KPNA7: variants seen among roughly 807,000 people sequenced by gnomAD.
KPNA7 encodes karyopherin subunit alpha 7, also known as importin subunit alpha-8.
Under a neutral mutation model 53.7 loss-of-function variants are expected in KPNA7, and 54 were observed. The observed-to-expected ratio is 1.01, with a 90% CI of 0.81 to 1.26. KPNA7 has a LOEUF of 1.26. Among genes scored for constraint, KPNA7 ranks in the 50% most tolerant of loss-of-function variants. The pLI is 0.00. For missense variants in KPNA7, 640 were observed against 644.5 expected (o/e 0.99, Z 0.07); for synonymous variants, 276 against 259.3 (o/e 1.06, Z -0.62).
At chr7:99,190,911 C>T (rs1162995992) in intron 6 of KPNA7, among the ~76,000 whole-genome samples, 1 of 152,020 alleles carries the variant, frequency 6.6e-6, no homozygotes, top group Non-Finnish European at 1.5e-5. Flanking sequence ...ACACATATGT[C>T]ACCTAGCAAG....
At chr7:99,202,987 T>C (rs1790625094) in intron 3 of KPNA7, 119 bp downstream of exon 3, 2 of 1,267,894 alleles carry the variant, frequency 1.6e-6, no homozygotes, top group East Asian at 2.6e-5. Flanking sequence ...TCTTCACTCC[T>C]TTCTTTAAAA....
In KPNA7 at chr7:99,186,082, T is replaced by C. The variant is rs117031181; in HGVS notation, c.901-920A>G. Among the ~76,000 whole-genome samples the C allele has an allele frequency of 4.0e-3, 607 of 152,324 alleles. 3 individuals carry two copies. Among genetic ancestry groups the C allele is most frequent in the Admixed American group, 6.9e-3 (106 of 15,286 alleles). On this transcript the variant is annotated intron_variant, in intron 7 of 10. Coordinates refer to ENST00000327442, the MANE Select transcript of KPNA7 (RefSeq NM_001145715.3). ...TGCTGGGATTATAGGCATGAGCTAC[T>C]GCGCCCAGTGACTATACTCTTTATC...
At chr7:99,158,412 T>C in the KPNA7 span, among the ~76,000 whole-genome samples, 4 of 152,160 alleles carry the variant, frequency 2.6e-5, no homozygotes, top group Non-Finnish European at 1.5e-5. Flanking sequence ...CTTTATATAA[T>C]TTGATCTTTT....
At chr7:99,166,295 C>A in the KPNA7 span, among the ~76,000 whole-genome samples, 1 of 152,146 alleles carries the variant, frequency 6.6e-6, no homozygotes, top group African/African-American at 2.4e-5. Flanking sequence ...CACTGCCTAG[C>A]ACCTACTATG....
intron 3 of KPNA7, among the ~76,000 whole-genome samples, chr7:99,197,207 C>T (rs968368181): frequency 1.3e-5 from 2 of 152,122 alleles, no homozygotes; most frequent in East Asian, 1.9e-4. Context: ...TTCTTTTCTT[C>T]GTGGTTCGAA....
intron 8 of KPNA7, among the ~76,000 whole-genome samples, chr7:99,183,020 C>A (rs1024766857): frequency 2.0e-5 from 3 of 152,108 alleles, no homozygotes; most frequent in African/African-American, 7.2e-5. Context: ...CTTTGGGAGG[C>A]TGAGGCAGGC....
rs1563094126 is a variant in KPNA7 at position 99,214,665 on chromosome 7, GAGGT to G, written c.-23-7180_-23-7177del. 7.4e-4 allele frequency among the ~76,000 whole-genome samples: 21 copies of G among 28,506 alleles called. 10 individuals are homozygous for G. The South Asian group carries it at 0.014, about 19-fold the overall frequency. The allele number at this position is 28,506 out of a possible 152,430, so 18.7% of individuals were successfully genotyped here. A position where few individuals can be genotyped will look rare whatever the true frequency, so the allele number is the denominator to read the frequency against. ...GGAGGGGAGGTAGGGAAGGGGAGGGGAGGTAGGGGAGGGGAGGGGAGGTAGGGGA... is the reference window on the plus strand; with the variant it reads ...GGAGGGGAGGTAGGGAAGGGGAGGGGAGGGGAGGGGAGGGGAGGTAGGGGA... On this transcript the variant is annotated intron_variant, in intron 1 of 10. Transcript: ENST00000681060.
chr7:99,194,473 G>GT (rs1173044734), intron 5 of KPNA7, among the ~76,000 whole-genome samples: 30 of 152,316 alleles, frequency 2.0e-4, no homozygotes, highest in African/African-American at 6.7e-4. Context: ...CCAAAGACTT[G>GT]TTCTTGAAGC....
At chr7:99,208,502 C>T (rs1384126002), upstream of KPNA7, among the ~76,000 whole-genome samples, 1 of 152,076 alleles carries the variant, frequency 6.6e-6, no homozygotes, top group African/African-American at 2.4e-5. Context: ...GTGATCCACC[C>T]ACCTCGGCCT....
rs976134179 is a variant in KPNA7 at position 99,173,658 on chromosome 7, G to T, written c.*50C>A. Reference sequence around the variant, plus strand: ...AGATAGAGGACTGCTGCTTCTTAAAGAAGTTATCCTTTAGCACTGGGTTGT... The same window carrying T: ...AGATAGAGGACTGCTGCTTCTTAAATAAGTTATCCTTTAGCACTGGGTTGT... On this transcript the variant is annotated 3_prime_UTR_variant, in exon 11 of 11. Transcript: ENST00000327442. 2 of 1,194,314 alleles carry T rather than the reference G, an allele frequency of 1.7e-6. No homozygotes were observed. The highest frequency in any genetic ancestry group is 2.6e-5 in the East Asian group (1 of 38,872). 74.0% of individuals were successfully genotyped at this position (1,194,314 alleles called of 1,614,324 possible). A position where few individuals can be genotyped will look rare whatever the true frequency, so the allele number is the denominator to read the frequency against.
At chr7:99,170,622 G>A (rs766341795), downstream of KPNA7, among the ~76,000 whole-genome samples, 9 of 152,122 alleles carry the variant, frequency 5.9e-5, no homozygotes, top group East Asian at 1.9e-4. Context: ...AATTATAGGC[G>A]TGAGCCACTG....
At chr7:99,189,637 G>A (rs1025324250) in intron 6 of KPNA7, among the ~76,000 whole-genome samples, 11 of 151,902 alleles carry the variant, frequency 7.2e-5, no homozygotes, top group African/African-American at 2.2e-4. Context: ...TTGTTTGTTT[G>A]TTGAGACAGG....
At chr7:99,212,424 TTTC>T (rs1346251972), upstream of KPNA7, among the ~76,000 whole-genome samples, 2 of 151,774 alleles carry the variant, frequency 1.3e-5, no homozygotes, top group Non-Finnish European at 2.9e-5. Flanking sequence ...TTGTATTTTT[TTTC>T]TTTTTTTGGT....
At chr7:99,154,038 G>GT in the KPNA7 span, among the ~76,000 whole-genome samples, 1 of 151,576 alleles carries the variant, frequency 6.6e-6, no homozygotes, top group Non-Finnish European at 1.5e-5. Context: ...CACTTTAAAT[G>GT]TTTTCTAAAT....
At chr7:99,194,382 T>A (rs188315077) in intron 5 of KPNA7, among the ~76,000 whole-genome samples, 2 of 152,280 alleles carry the variant, frequency 1.3e-5, no homozygotes, top group South Asian at 2.1e-4. Context: ...CACGTTCCCT[T>A]AGCAACTTCC....
In KPNA7 at chr7:99,181,570, C is replaced by T. The variant is rs189514739; in HGVS notation, c.1317+313G>A. ...ATCCAACTTGGGTTTTGTTTTGAGA[C>T]GGAGTCTGGCTCTGTCGCCCAGGCT... is the stretch of plus-strand genomic sequence containing the variant. On this transcript the variant is annotated intron_variant, in intron 9 of 10. Coordinates refer to ENST00000327442, the MANE Select transcript of KPNA7 (RefSeq NM_001145715.3). 3.4e-3 allele frequency among the ~76,000 whole-genome samples: 522 copies of T among 152,242 alleles called. 1 individual carries two copies. The highest frequency in any genetic ancestry group is 0.011 in the African/African-American group (459 of 41,552).
At chr7:99,155,449 T>C in the KPNA7 span, among the ~76,000 whole-genome samples, 8 of 152,240 alleles carry the variant, frequency 5.3e-5, no homozygotes, top group Non-Finnish European at 1.2e-4. Context: ...AAGGTCAAAA[T>C]CACACCACAT....
chr7:99,204,094 A>C (rs1023353087), intron 2 of KPNA7, among the ~76,000 whole-genome samples: 4 of 152,154 alleles, frequency 2.6e-5, no homozygotes, highest in Non-Finnish European at 5.9e-5. Flanking sequence ...CAAAATTAAA[A>C]CAAGGCTGGG....
At chr7:99,177,443 T>C (rs1342659714) in intron 10 of KPNA7, among the ~76,000 whole-genome samples, 1 of 151,910 alleles carries the variant, frequency 6.6e-6, no homozygotes, top group Non-Finnish European at 1.5e-5. Context: ...GGCGTCGTAG[T>C]ACATCTCTCT....
Sources: allele counts gnomAD v4.1 joint callset (sites outside exome capture counted in the v4.1 genomes callset), GRCh38; gene constraint gnomAD v4.1.1; transcripts MANE v1.5; gene names NCBI Gene and HGNC (gene_info 2026-07-23, HGNC 2026-07-21).